CSMD1: variants seen among roughly 807,000 people sequenced by gnomAD.
The protein encoded by CSMD1 is CUB and Sushi multiple domains 1, also known as CUB and sushi domain-containing protein 1.
CSMD1 carries 213 observed loss-of-function variants against 417.5 expected under a neutral mutation model. That is an observed-to-expected ratio of 0.51 (90% confidence interval 0.46 to 0.57). The LOEUF is 0.57. Ranked by LOEUF, CSMD1 falls within the 20% of genes least tolerant of loss-of-function variation. The pLI, the probability that CSMD1 is intolerant of heterozygous loss-of-function variation, is 0.00. For synonymous variants in CSMD1, 2,862 were observed against 1,736.8 expected, an observed-to-expected ratio of 1.65 and a Z score of -16.11; for missense variants, 6,923 against 4,529.7, an observed-to-expected ratio of 1.53 and a Z score of -15.17.
rs536346258 is a variant in CSMD1, at chr8:3,277,887, C to T, written c.4153+6257G>A. Among the ~76,000 whole-genome samples, 9 of 152,266 alleles carry T rather than the reference C, an allele frequency of 5.9e-5. No individual in the cohort carries two copies. In the East Asian group the frequency reaches 1.4e-3, roughly 23 times the overall value. On this transcript the variant is annotated intron_variant, in intron 26 of 69. Transcript: ENST00000635120. ...AATTGCCAACATTCCATCATTTCTTCCCTACAAAAGTGACAATTTTATACA... is the reference window on the plus strand; with the variant it reads ...AATTGCCAACATTCCATCATTTCTTTCCTACAAAAGTGACAATTTTATACA...
chr8:3,499,184 T>C (rs772620385), intron 10 of CSMD1, among the ~76,000 whole-genome samples: 2 of 152,120 alleles, frequency 1.3e-5, no homozygotes, highest in African/African-American at 2.4e-5. Flanking sequence ...ATAGTGTCAG[T>C]TGGGTAGGGT....
intron 3 of CSMD1, among the ~76,000 whole-genome samples, chr8:4,061,567 T>C (rs1585230059): frequency 6.6e-6 from 1 of 152,276 alleles, no homozygotes; most frequent in African/African-American, 2.4e-5. Flanking sequence ...ACCCTCATGC[T>C]CTTGACTATG....
At chr8:4,682,955 CATATATATAT>C (rs10566841) in intron 1 of CSMD1, among the ~76,000 whole-genome samples, 56,495 of 118,394 alleles carry the variant, frequency 0.48, 12,742 homozygotes, top group Admixed American at 0.6. Flanking sequence ...TAAGTATCTT[CATATATATAT>C]ATATATATAT....
intron 17 of CSMD1, among the ~76,000 whole-genome samples, chr8:3,395,343 G>C (rs1157487006): frequency 6.6e-6 from 1 of 152,146 alleles, no homozygotes; most frequent in Non-Finnish European, 1.5e-5. Context: ...TTTGAGGGAA[G>C]TGTTTTCAAA....
rs1818237901 is a variant in CSMD1, at chr8:3,138,469, G to A, written c.6241+3996C>T. Among the ~76,000 whole-genome samples, 3 of 152,300 alleles carry A rather than the reference G, an allele frequency of 2.0e-5. No individual in the cohort carries two copies. The South Asian group carries it at 6.2e-4, about 32-fold the overall frequency. The stretch of plus-strand genomic sequence containing the variant: ...TTCATTTTGAAGGCACCTCTATCCT[G>A]AGTCCAGAAGTAGAGAGAATGGGAG... On this transcript the variant is annotated intron_variant, in intron 41 of 69. Transcript: ENST00000635120.
intron 4 of CSMD1, among the ~76,000 whole-genome samples, chr8:4,022,328 T>C (rs1408893032): frequency 2.0e-5 from 3 of 151,966 alleles, no homozygotes; most frequent in Non-Finnish European, 2.9e-5. Flanking sequence ...TGAACACCCC[T>C]CCAATTCAGC....
rs530261262 is a variant in CSMD1, at chr8:3,161,589, C to G, written c.5844+570G>C. ...CCAAGATCAAGATCATGCCGCTGCACTCCAGCCTGGGTGACAGAGCGAGAC... is the reference window on the plus strand; with the variant it reads ...CCAAGATCAAGATCATGCCGCTGCAGTCCAGCCTGGGTGACAGAGCGAGAC... On this transcript the variant is annotated intron_variant, in intron 38 of 69. Transcript: ENST00000635120. 4.1e-5 allele frequency among the ~76,000 whole-genome samples: 6 copies of G among 145,008 alleles called. No homozygotes were observed. The East Asian group carries it at 1.2e-3, about 29-fold the overall frequency.
At chr8:3,534,070 T>C (rs1198546810) in intron 10 of CSMD1, among the ~76,000 whole-genome samples, 2 of 152,204 alleles carry the variant, frequency 1.3e-5, no homozygotes, top group African/African-American at 4.8e-5. Context: ...TTTGACTTCC[T>C]TTGAAATGAT....
chr8:3,448,399 GAAGGAAGGAAGGAAGGA>G (rs1563400055), intron 12 of CSMD1, among the ~76,000 whole-genome samples: 10 of 124,678 alleles, frequency 8.0e-5, no homozygotes, highest in Non-Finnish European at 1.1e-4. Context: ...AGGAGGAAGG[GAAGGAAGGAAGGAAGGA>G]AGGGAAGGAA....
At chr8:3,318,114 TA>T (rs1187703955) in intron 23 of CSMD1, among the ~76,000 whole-genome samples, 7 of 152,252 alleles carry the variant, frequency 4.6e-5, no homozygotes, top group Non-Finnish European at 8.8e-5. Context: ...TCCCTGAATT[TA>T]TTTTTAATTA....
At chr8:4,249,618 C>T (rs539145127) in intron 3 of CSMD1, among the ~76,000 whole-genome samples, 1 of 152,170 alleles carries the variant, frequency 6.6e-6, no homozygotes, top group Non-Finnish European at 1.5e-5. Context: ...GAAATGTTTT[C>T]TCTGCTCAAC....
At chr8:4,132,389 C>G (rs1307836321) in intron 3 of CSMD1, among the ~76,000 whole-genome samples, 3 of 151,976 alleles carry the variant, frequency 2.0e-5, no homozygotes, top group South Asian at 2.1e-4. Context: ...TGCCTATTCT[C>G]TAGTATGGTG....
intron 3 of CSMD1, among the ~76,000 whole-genome samples, chr8:4,156,673 A>G (rs1037636487): frequency 6.6e-6 from 1 of 152,116 alleles, no homozygotes; most frequent in African/African-American, 2.4e-5. Context: ...GTGATTTAAG[A>G]TAATTTTCTG....
chr8:3,597,102 C>A (rs1252987860), intron 8 of CSMD1, among the ~76,000 whole-genome samples: 1 of 152,188 alleles, frequency 6.6e-6, no homozygotes, highest in African/African-American at 2.4e-5. Flanking sequence ...CTGCACTGAG[C>A]CTGCTGAGGC....
intron 23 of CSMD1, among the ~76,000 whole-genome samples, chr8:3,325,653 G>C (rs528775760): frequency 5.9e-5 from 9 of 152,094 alleles, no homozygotes; most frequent in African/African-American, 2.2e-4. Context: ...GTGAAACCCC[G>C]TCTCTACTAA....
chr8:4,335,641 A>G (rs897685052), intron 3 of CSMD1, among the ~76,000 whole-genome samples: 1 of 152,192 alleles, frequency 6.6e-6, no homozygotes, highest in Non-Finnish European at 1.5e-5. Flanking sequence ...CAAATATTTA[A>G]TAAAATGAAA....
At chr8:4,612,251 G>A (rs1392152795) in intron 2 of CSMD1, among the ~76,000 whole-genome samples, 1 of 152,114 alleles carries the variant, frequency 6.6e-6, no homozygotes. Flanking sequence ...TCCAGCACAT[G>A]TGATAAAAAT....
intron 7 of CSMD1, among the ~76,000 whole-genome samples, chr8:3,640,382 T>G (rs1797249067): frequency 6.6e-6 from 1 of 152,226 alleles, no homozygotes; most frequent in African/African-American, 2.4e-5. Context: ...AAATATTCAA[T>G]TATATCTTCT....
intron 10 of CSMD1, among the ~76,000 whole-genome samples, chr8:3,520,849 G>A (rs533180998): frequency 4.5e-4 from 68 of 152,158 alleles, no homozygotes; most frequent in African/African-American, 1.5e-3. Flanking sequence ...ACCTCTCCCA[G>A]CCTGAACCCC....
Sources: gnomAD v4.1 joint callset for allele counts (sites outside exome capture counted in the v4.1 genomes callset) on GRCh38, gnomAD v4.1.1 for gene constraint, MANE v1.5 for transcripts, NCBI Gene and HGNC (gene_info 2026-07-23, HGNC 2026-07-21) for gene names.